Variants in PKHD1 observed in about 807,000 individuals in gnomAD.
The protein encoded by PKHD1 is PKHD1 ciliary IPT domain containing fibrocystin/polyductin.
In PKHD1, 291 loss-of-function variants were observed where a neutral mutation model predicts 412.0. The observed-to-expected ratio is 0.71, with a 90% confidence interval of 0.64 to 0.78. PKHD1 has a LOEUF of 0.78. Ranked by LOEUF, PKHD1 falls within the 30% of genes least tolerant of loss-of-function variation. PKHD1 has a pLI of 0.00. For missense variants in PKHD1, 4,825 were observed against 4,950.7 expected, an observed-to-expected ratio of 0.97 and a Z score of 0.76; for synonymous variants, 1,777 against 1,821.5, an observed-to-expected ratio of 0.98 and a Z score of 0.62.
chr6:52,010,229 A>T, intron 35 of PKHD1, 80 bp downstream of exon 35: 1 of 1,285,342 alleles, frequency 7.8e-7, no homozygotes, highest in Non-Finnish European at 1.1e-6. Flanking sequence ...ATTTGGACTA[A>T]ATTGTTTTTT....
intron 36 of PKHD1, among the ~76,000 whole-genome samples, chr6:51,947,240 T>G (rs879444415): frequency 2.0e-5 from 3 of 152,152 alleles, no homozygotes; most frequent in South Asian, 4.1e-4. Flanking sequence ...TTCCTAAAAC[T>G]CCCTCTCCTC....
chr6:51,836,388 G>C lies in PKHD1; in HGVS notation c.8173+16C>G, dbSNP rs774416074. On this transcript the variant is annotated intron_variant, in intron 51 of 66. Coordinates refer to ENST00000371117, the MANE Select transcript of PKHD1 (RefSeq NM_138694.4). ...CTGCCATACTAGACACTTCTACTTC[G>C]TGTGTTAATACTCACCTGAAATAGT... 6.4e-7 allele frequency: 1 copy of C among 1,555,570 alleles called. No homozygotes were observed. The highest frequency in any genetic ancestry group is 8.9e-7 in the Non-Finnish European group (1 of 1,126,868).
At chr6:51,757,813 G>A (rs1787269774) in intron 55 of PKHD1, among the ~76,000 whole-genome samples, 1 of 151,876 alleles carries the variant, frequency 6.6e-6, no homozygotes. Context: ...GACCAGTCTG[G>A]GCAACTAGAG....
At chr6:51,909,748 C>T (rs1782675691) in intron 39 of PKHD1, among the ~76,000 whole-genome samples, 1 of 152,058 alleles carries the variant, frequency 6.6e-6, no homozygotes, top group South Asian at 2.1e-4. Context: ...GACTATAACC[C>T]ACAAACCCAA....
chr6:51,690,355 C>G (rs1325484433), intron 60 of PKHD1, among the ~76,000 whole-genome samples: 4 of 150,322 alleles, frequency 2.7e-5, no homozygotes, highest in Non-Finnish European at 5.9e-5. Flanking sequence ...GATCGAATAG[C>G]CAAGACAATC....
intron 56 of PKHD1, 90 bp downstream of exon 56, chr6:51,754,694 T>C: frequency 9.4e-7 from 1 of 1,065,560 alleles, no homozygotes; most frequent in South Asian, 1.3e-5. Flanking sequence ...CCCCTCTGAA[T>C]GGCAATCAGA....
rs142305446 is a variant in PKHD1 at position 51,939,281 on chromosome 6, C to T, written c.5909-4959G>A. ...GTACCGCTTTTCTGGGGGGCAAGAA[C>T]GCCCAGACCCCTTCTCTCCGTGTCT... On this transcript the variant is annotated intron_variant, in intron 36 of 66. Coordinates refer to ENST00000371117, the MANE Select transcript of PKHD1 (RefSeq NM_138694.4). Among the ~76,000 whole-genome samples, 256 of 151,220 alleles carry T rather than the reference C, an allele frequency of 1.7e-3. 10 individuals carry two copies. The highest frequency in any genetic ancestry group is 1.3e-3 in the Non-Finnish European group (86 of 67,510).
At chr6:51,830,480 G>T (rs991444055) in intron 52 of PKHD1, among the ~76,000 whole-genome samples, 1 of 152,058 alleles carries the variant, frequency 6.6e-6, no homozygotes, top group Non-Finnish European at 1.5e-5. Flanking sequence ...ATTCCCAAAG[G>T]CAAACCATCA....
chr6:52,060,227 A>G (rs1808475246), intron 14 of PKHD1, among the ~76,000 whole-genome samples, 185 bp from the exon 15 acceptor site: 1 of 152,210 alleles, frequency 6.6e-6, no homozygotes, highest in Non-Finnish European at 1.5e-5. Context: ...TCAGTAGCCC[A>G]ATACATCTCT....
intron 63 of PKHD1, among the ~76,000 whole-genome samples, chr6:51,642,041 T>C (rs1769433885): frequency 1.3e-5 from 2 of 152,096 alleles, no homozygotes; most frequent in South Asian, 2.1e-4. Flanking sequence ...ACTTAAAGTA[T>C]AATAATAAAT....
chr6:51,657,191 G>A (rs548786794), intron 61 of PKHD1, among the ~76,000 whole-genome samples: 9 of 151,694 alleles, frequency 5.9e-5, no homozygotes, highest in South Asian at 2.1e-4. Flanking sequence ...TCATGGGCTC[G>A]TCAATGGCTC....
At chr6:52,074,023 G>C (rs1811015054) in intron 6 of PKHD1, among the ~76,000 whole-genome samples, 1 of 152,166 alleles carries the variant, frequency 6.6e-6, no homozygotes, top group Admixed American at 6.5e-5. Flanking sequence ...CACACAATCT[G>C]ATGGGTCTTC....
At chr6:51,887,731 T>C (rs114039393) in intron 43 of PKHD1, among the ~76,000 whole-genome samples, 32 of 152,330 alleles carry the variant, frequency 2.1e-4, no homozygotes, top group African/African-American at 7.5e-4. Context: ...TCCCCAGAAA[T>C]TGATGCTTCC....
At chr6:52,085,615 ACCTCTAACT>A (rs767140731) in intron 1 of PKHD1, among the ~76,000 whole-genome samples, 46 of 151,944 alleles carry the variant, frequency 3.0e-4, no homozygotes, top group Non-Finnish European at 4.3e-4. Context: ...TTCCCCCTGA[ACCTCTAACT>A]TCCGTGCTGT....
chr6:51,909,263 C>G lies in PKHD1; in HGVS notation c.6682+20G>C. The G allele has an allele frequency of 6.3e-7, 1 of 1,594,802 alleles. No individual in the cohort carries two copies. The highest frequency in any genetic ancestry group is 1.3e-5 in the African/African-American group (1 of 74,628). ...TGGGAGAAAGAAACATGAGAAAGTC[C>G]TAGGTCCGGACCCCCTTACCTCTCA... On this transcript the variant is annotated intron_variant, in intron 40 of 66. Transcript: ENST00000371117.
At chr6:51,925,269 C>T (rs1252216662) in intron 37 of PKHD1, among the ~76,000 whole-genome samples, 3 of 152,148 alleles carry the variant, frequency 2.0e-5, no homozygotes, top group African/African-American at 7.2e-5. Context: ...AGTTACTTTC[C>T]TTTGAGAAGC....
In PKHD1 at chr6:51,615,310, A is replaced by C. The variant is rs573238284; in HGVS notation, c.*3771T>G. On this transcript the variant is annotated 3_prime_UTR_variant, in exon 67 of 67. Transcript: ENST00000371117. ...AAATGCTAGAAGAATATTTGTAAACATTCAAATCTCTGTATTCTGCCACTT... is the reference window on the plus strand; with the variant it reads ...AAATGCTAGAAGAATATTTGTAAACCTTCAAATCTCTGTATTCTGCCACTT... 92 of 152,342 alleles carry C rather than the reference A, an allele frequency of 6.0e-4. No individual in the cohort carries two copies. The highest frequency in any genetic ancestry group is 1.2e-3 in the Admixed American group (18 of 15,302). 9.4% of individuals were successfully genotyped at this position (152,342 alleles called of 1,614,324 possible). A position where few individuals can be genotyped will look rare whatever the true frequency, so the allele number is the denominator to read the frequency against.
At chr6:51,860,795 T>C (rs1774061531) in intron 48 of PKHD1, among the ~76,000 whole-genome samples, 2 of 152,034 alleles carry the variant, frequency 1.3e-5, no homozygotes, top group South Asian at 2.1e-4. Context: ...TGTTCTTTTT[T>C]ATTTTATTTT....
intron 52 of PKHD1, among the ~76,000 whole-genome samples, chr6:51,814,686 A>T (rs375931856): frequency 3.9e-5 from 6 of 152,168 alleles, no homozygotes; most frequent in Admixed American, 2.0e-4. Flanking sequence ...GTGCTGAGCC[A>T]CAGGAGGCCT....
Sources: allele counts gnomAD v4.1 joint callset (sites outside exome capture counted in the v4.1 genomes callset), GRCh38; gene constraint gnomAD v4.1.1; transcripts MANE v1.5; gene names NCBI Gene and HGNC (gene_info 2026-07-23, HGNC 2026-07-21).